The following ASCC3 variants were observed in gnomAD, a reference collection of about 807,000 sequenced individuals.
The protein encoded by ASCC3 is ASC-1 complex subunit P200.
A neutral mutation model predicts 256.3 loss-of-function variants in ASCC3; 158 were observed. That is an observed-to-expected ratio of 0.62 (90% CI 0.54 to 0.70). ASCC3 has a LOEUF of 0.70. ASCC3 is among the 30% of genes least tolerant of loss of function. ASCC3 has a pLI of 0.00. For synonymous variants in ASCC3, 948 were observed against 883.4 expected (o/e 1.07, Z -1.30); for missense variants, 2,259 against 2,626.0 (o/e 0.86, Z 3.05).
intron 36 of ASCC3, among the ~76,000 whole-genome samples, chr6:100,552,518 T>C (rs570315978): frequency 3.9e-4 from 59 of 152,134 alleles, no homozygotes; most frequent in South Asian, 1.0e-3. Flanking sequence ...TATTCAGAAA[T>C]TGTATCCTCT....
At chr6:100,803,172 C>T (rs1275567515) in intron 5 of ASCC3, among the ~76,000 whole-genome samples, 1 of 151,944 alleles carries the variant, frequency 6.6e-6, no homozygotes, top group Admixed American at 6.6e-5. Flanking sequence ...ACCTTGCTGG[C>T]TTAGTGCAAT....
At chr6:100,859,068 G>T (rs753254277) in intron 3 of ASCC3, 2 of 774,878 alleles carry the variant, frequency 2.6e-6, no homozygotes, top group Non-Finnish European at 2.4e-6. Flanking sequence ...CAAATATTCA[G>T]ATTTTCTATT....
chr6:100,509,600 C>G, intron 41 of ASCC3, 67 bp from the exon 42 acceptor site: 1 of 1,495,452 alleles, frequency 6.7e-7, no homozygotes, highest in Non-Finnish European at 9.2e-7. Flanking sequence ...TTAATTCTTT[C>G]AGAACTTTGG....
At chr6:100,596,690 C>T (rs879398297) in intron 34 of ASCC3, among the ~76,000 whole-genome samples, 7 of 152,100 alleles carry the variant, frequency 4.6e-5, no homozygotes, top group African/African-American at 1.4e-4. Context: ...ATGTCAATCA[C>T]GTTTGAATGA....
chr6:100,801,497 C>A (rs933884282), intron 5 of ASCC3, among the ~76,000 whole-genome samples: 1 of 151,982 alleles, frequency 6.6e-6, no homozygotes, highest in Non-Finnish European at 1.5e-5. Context: ...CATTCTAAGT[C>A]AAATCTTCAC....
chr6:100,733,436 G>A (rs986352120), intron 10 of ASCC3, among the ~76,000 whole-genome samples: 1 of 152,004 alleles, frequency 6.6e-6, no homozygotes, highest in African/African-American at 2.4e-5. Flanking sequence ...GTTCCCAGAA[G>A]AACTGGCAGT....
At chr6:100,822,894 A>G (rs1771122092) in intron 4 of ASCC3, among the ~76,000 whole-genome samples, 1 of 152,216 alleles carries the variant, frequency 6.6e-6, no homozygotes, top group Non-Finnish European at 1.5e-5. Flanking sequence ...TGCAATGTTC[A>G]TACATGATAA....
chr6:100,537,315 T>A (rs1775207502), intron 37 of ASCC3, among the ~76,000 whole-genome samples: 2 of 152,068 alleles, frequency 1.3e-5, no homozygotes, highest in South Asian at 4.2e-4. Context: ...GAAGGAAACA[T>A]CAGGCAAATC....
chr6:100,630,016 A>T (rs929187321), intron 26 of ASCC3, among the ~76,000 whole-genome samples: 1 of 151,598 alleles, frequency 6.6e-6, no homozygotes, highest in Non-Finnish European at 1.5e-5. Context: ...TCCTGTCTCC[A>T]AGTAGCTGGG....
chr6:100,566,079 A>T (rs1770229831), intron 36 of ASCC3, among the ~76,000 whole-genome samples: 1 of 152,194 alleles, frequency 6.6e-6, no homozygotes, highest in Non-Finnish European at 1.5e-5. Flanking sequence ...AGAAAAGCCA[A>T]ACGTAAATAA....
At chr6:100,800,588 C>A in intron 5 of ASCC3, 84 bp from the exon 6 acceptor site, 1 of 1,013,968 alleles carries the variant, frequency 9.9e-7, no homozygotes, top group Non-Finnish European at 1.5e-6. Flanking sequence ...TTCCTCCACC[C>A]CACAACATAT....
intron 4 of ASCC3, among the ~76,000 whole-genome samples, chr6:100,841,000 TA>T (rs1173304194): frequency 2.0e-5 from 3 of 151,976 alleles, no homozygotes; most frequent in South Asian, 4.1e-4. Context: ...TTAGTAGCCA[TA>T]AACTGAGAAA....
intron 4 of ASCC3, among the ~76,000 whole-genome samples, chr6:100,806,242 T>C (rs1231679705): frequency 6.6e-6 from 1 of 152,032 alleles, no homozygotes; most frequent in Non-Finnish European, 1.5e-5. Flanking sequence ...TCCAGAGTAC[T>C]ATTTTTCTTA....
At chr6:100,601,357 C>T (rs1328294950) in intron 34 of ASCC3, among the ~76,000 whole-genome samples, 1 of 152,096 alleles carries the variant, frequency 6.6e-6, no homozygotes, top group Admixed American at 6.6e-5. Context: ...GAAGATCTAA[C>T]ATACTGTCTG....
chr6:100,630,471 A>ATT (rs367706310), intron 26 of ASCC3, among the ~76,000 whole-genome samples: 2 of 144,748 alleles, frequency 1.4e-5, no homozygotes, highest in African/African-American at 2.5e-5. Flanking sequence ...GGATACTTAT[A>ATT]TTTTTTTTTT....
At chr6:100,605,494 TAATAA>T in intron 33 of ASCC3, 69 bp downstream of exon 33, 1 of 1,119,620 alleles carries the variant, frequency 8.9e-7, no homozygotes, top group Non-Finnish European at 1.3e-6. Context: ...GATTTTTATA[TAATAA>T]AATATAACCA....
chr6:100,549,439 C>A lies in ASCC3; in HGVS notation c.5551-9052G>T, dbSNP rs151064707. On this transcript the variant is annotated intron_variant, in intron 36 of 41. Transcript: ENST00000369162. ...TAGCAGTTAACAATGTTTATTTAAC[C>A]CTGTGTGTCACCTTGGTTTTCTTCT... Among the ~76,000 whole-genome samples the A allele has an allele frequency of 8.6e-4, 130 of 151,926 alleles. 4 individuals are homozygous for A. The highest frequency in any genetic ancestry group is 1.9e-3 in the East Asian group (10 of 5,184).
At chr6:100,625,463 G>A (rs1386158193) in intron 29 of ASCC3, 129 bp from the exon 30 acceptor site, 15 of 1,073,440 alleles carry the variant, frequency 1.4e-5, no homozygotes, top group Non-Finnish European at 2.1e-5. Flanking sequence ...TGGCATTATT[G>A]CAGGTACTAC....
intron 10 of ASCC3, among the ~76,000 whole-genome samples, chr6:100,756,867 T>C (rs969348554): frequency 5.3e-5 from 8 of 152,048 alleles, no homozygotes; most frequent in Admixed American, 5.2e-4. Flanking sequence ...TTTTTAAAAA[T>C]AGTGACAAAT....
Sources: allele counts gnomAD v4.1 joint callset (sites outside exome capture counted in the v4.1 genomes callset), GRCh38; gene constraint gnomAD v4.1.1; transcripts MANE v1.5; gene names NCBI Gene and HGNC (gene_info 2026-07-23, HGNC 2026-07-21).